The following ADAMTS18 variants were observed in gnomAD, a reference collection of about 807,000 sequenced individuals.
The protein encoded by ADAMTS18 is A disintegrin and metalloproteinase with thrombospondin motifs 18.
ADAMTS18 carries 157 observed loss-of-function variants against 165.9 expected under a neutral mutation model. The observed-to-expected ratio is 0.95, with a 90% confidence interval of 0.83 to 1.08. The LOEUF is 1.08. Among genes scored for constraint, ADAMTS18 ranks in the 50% least tolerant of loss-of-function variants. The pLI, the probability that ADAMTS18 is intolerant of heterozygous loss-of-function variation, is 0.00. For synonymous variants in ADAMTS18, 782 were observed against 578.2 expected (o/e 1.35, Z -5.06); for missense variants, 2,040 against 1,534.0 (o/e 1.33, Z -5.51).
chr16:77,411,212 G>A (rs987825607), intron 3 of ADAMTS18, among the ~76,000 whole-genome samples: 2 of 152,090 alleles, frequency 1.3e-5, no homozygotes, highest in Non-Finnish European at 2.9e-5. Flanking sequence ...TCCTGCTGGG[G>A]TGCTCTTCCT....
chr16:77,355,821 C>G (rs1161934598), intron 9 of ADAMTS18, 119 bp downstream of exon 9: 1 of 1,208,510 alleles, frequency 8.3e-7, no homozygotes, highest in African/African-American at 1.5e-5. Context: ...CATCATTTGT[C>G]TTTCTGTTTA....
intron 13 of ADAMTS18, among the ~76,000 whole-genome samples, chr16:77,324,024 T>C (rs2056050895): frequency 6.6e-6 from 1 of 152,244 alleles, no homozygotes; most frequent in Non-Finnish European, 1.5e-5. Flanking sequence ...ATTTATTTGT[T>C]TAACTTTCTC....
At chr16:77,405,680 A>G (rs569948227) in intron 3 of ADAMTS18, among the ~76,000 whole-genome samples, 2 of 152,252 alleles carry the variant, frequency 1.3e-5, no homozygotes, top group East Asian at 3.9e-4. Context: ...ACAGTTCTGG[A>G]GGCTAAAAAG....
chr16:77,286,318 T>TA (rs1400393030), intron 22 of ADAMTS18, among the ~76,000 whole-genome samples: 1 of 152,152 alleles, frequency 6.6e-6, no homozygotes, highest in Admixed American at 6.5e-5. Context: ...TCACCCCTGC[T>TA]ACTTTACTTT....
At chr16:77,364,416 T>C in intron 4 of ADAMTS18, 35 bp from the exon 5 acceptor site, 2 of 1,604,596 alleles carry the variant, frequency 1.2e-6, no homozygotes, top group Non-Finnish European at 1.7e-6. Flanking sequence ...GAAGGGATAT[T>C]AGAGAATATC....
At chr16:77,396,024 A>G (rs1439758445) in intron 3 of ADAMTS18, among the ~76,000 whole-genome samples, 1 of 152,182 alleles carries the variant, frequency 6.6e-6, no homozygotes, top group African/African-American at 2.4e-5. Flanking sequence ...TAGGGACAAG[A>G]CCATTAATAT....
At chr16:77,357,646 A>T (rs1484323562) in intron 8 of ADAMTS18, among the ~76,000 whole-genome samples, 1 of 152,238 alleles carries the variant, frequency 6.6e-6, no homozygotes, top group Non-Finnish European at 1.5e-5. Flanking sequence ...GTGGAATTTT[A>T]TGTGCGTAAG....
chr16:77,316,415 C>G (rs887945908), intron 16 of ADAMTS18, among the ~76,000 whole-genome samples: 1 of 151,586 alleles, frequency 6.6e-6, no homozygotes, highest in Non-Finnish European at 1.5e-5. Context: ...CCACCATACC[C>G]AGCTAATTTT....
At chr16:77,396,171 A>C (rs567848190) in intron 3 of ADAMTS18, among the ~76,000 whole-genome samples, 1 of 152,206 alleles carries the variant, frequency 6.6e-6, no homozygotes, top group African/African-American at 2.4e-5. Context: ...ATAACTGCCT[A>C]TCATACTCCA....
At chr16:77,286,513 C>G (rs1005266598) in intron 22 of ADAMTS18, among the ~76,000 whole-genome samples, 3 of 152,126 alleles carry the variant, frequency 2.0e-5, no homozygotes, top group African/African-American at 7.2e-5. Flanking sequence ...AACAGTCTTT[C>G]GAAGTAAGCA....
chr16:77,359,162 C>T (rs2056673897), intron 8 of ADAMTS18, among the ~76,000 whole-genome samples, 156 bp downstream of exon 8: 1 of 152,320 alleles, frequency 6.6e-6, no homozygotes, highest in Non-Finnish European at 1.5e-5. Context: ...CAACAGCTAG[C>T]CTTTAGTGAG....
At chr16:77,419,870 G>A (rs1386909863) in intron 3 of ADAMTS18, among the ~76,000 whole-genome samples, 1 of 151,578 alleles carries the variant, frequency 6.6e-6, no homozygotes, top group Non-Finnish European at 1.5e-5. Flanking sequence ...TATGGTAGTG[G>A]CGCCTGTAAT....
intron 3 of ADAMTS18, among the ~76,000 whole-genome samples, chr16:77,388,437 C>G (rs938396416): frequency 6.6e-6 from 1 of 152,146 alleles, no homozygotes; most frequent in Non-Finnish European, 1.5e-5. Flanking sequence ...AAAAACACTT[C>G]TCTTTAAGTC....
chr16:77,327,357 A>G (rs910627573), intron 12 of ADAMTS18, among the ~76,000 whole-genome samples: 5 of 152,102 alleles, frequency 3.3e-5, no homozygotes, highest in African/African-American at 9.7e-5. Flanking sequence ...TTGAGTTCCC[A>G]AAGTCCAATG....
intron 13 of ADAMTS18, among the ~76,000 whole-genome samples, chr16:77,325,165 A>C (rs541473013): frequency 2.2e-4 from 34 of 152,214 alleles, no homozygotes; most frequent in Non-Finnish European, 4.8e-4. Context: ...ATTCACATAT[A>C]ACCCTGTTTC....
chr16:77,354,314 A>G (rs1378003804), intron 9 of ADAMTS18, among the ~76,000 whole-genome samples: 1 of 152,174 alleles, frequency 6.6e-6, no homozygotes, highest in African/African-American at 2.4e-5. Flanking sequence ...TAAATCAAGT[A>G]TTTTCTTTTT....
intron 3 of ADAMTS18, among the ~76,000 whole-genome samples, chr16:77,389,039 C>T (rs1034034221): frequency 4.6e-5 from 7 of 152,326 alleles, no homozygotes; most frequent in East Asian, 3.9e-4. Context: ...GTGGCTCACA[C>T]GTGTAGTCCC....
intron 3 of ADAMTS18, among the ~76,000 whole-genome samples, chr16:77,403,999 T>TCCTC (rs71137814): frequency 0.011 from 1,486 of 139,766 alleles, 70 homozygotes; most frequent in Admixed American, 0.09. Flanking sequence ...AACCCACCCT[T>TCCTC]CCTCCCTCCC....
chr16:77,434,363 G>C, intron 2 of ADAMTS18, 55 bp downstream of exon 2: 4 of 1,530,208 alleles, frequency 2.6e-6, no homozygotes, highest in Non-Finnish European at 3.5e-6. Flanking sequence ...TTGGGGGAAG[G>C]AAGGGTCAAA....
Sources: gnomAD v4.1 joint callset for allele counts (sites outside exome capture counted in the v4.1 genomes callset) on GRCh38, gnomAD v4.1.1 for gene constraint, MANE v1.5 for transcripts, NCBI Gene and HGNC (gene_info 2026-07-23, HGNC 2026-07-21) for gene names.